The following TEX11 variants were observed in gnomAD, a reference collection of about 807,000 sequenced individuals.
TEX11 encodes the protein testis-expressed protein 11.
Under a neutral mutation model 84.4 loss-of-function variants are expected in TEX11, and 7 were observed. The ratio of observed to expected loss-of-function variants is 0.08; its 90% CI spans 0.05 to 0.16. The LOEUF is 0.16. TEX11 is among the 10% of genes least tolerant of loss of function. The pLI, the probability that TEX11 is intolerant of heterozygous loss-of-function variation, is 1.00. For missense variants in TEX11, 551 were observed against 660.5 expected (o/e 0.83, Z 1.82); for synonymous variants, 264 against 222.8 (o/e 1.18, Z -1.64).
At chrX:70,860,491 C>T (rs2091562932) in intron 5 of TEX11, among the ~76,000 whole-genome samples, 1 of 111,481 alleles carries the variant, frequency 9.0e-6, no homozygotes, top group African/African-American at 3.3e-5. Flanking sequence ...GTACCCTTTT[C>T]CTTATTTACT....
At chrX:70,867,018 G>T (rs773681561) in intron 4 of TEX11, among the ~76,000 whole-genome samples, 76 of 111,581 alleles carry the variant, frequency 6.8e-4, no homozygotes, top group South Asian at 1.1e-3. Flanking sequence ...GAAAGTTCTG[G>T]CCAGGGCAAT....
At chrX:70,770,993 G>T (rs2090968960) in intron 9 of TEX11, among the ~76,000 whole-genome samples, 1 of 111,860 alleles carries the variant, frequency 8.9e-6, no homozygotes, top group Non-Finnish European at 1.9e-5. Flanking sequence ...TTTAAATGGT[G>T]CTGGAAAAGG....
rs531943582 is a variant in TEX11 at position 70,838,331 on chromosome X, G to A, written c.526-4738C>T. 1.8e-4 allele frequency among the ~76,000 whole-genome samples: 20 copies of A among 111,698 alleles called. No homozygotes were observed. The South Asian group carries it at 6.5e-3, about 36-fold the overall frequency. ...CTAGCTACTCGGGAGGCTGAGGCAG[G>A]ATAATCGCTTGAACCCAGGAGGTGG... On this transcript the variant is annotated intron_variant, in intron 7 of 29. Transcript: ENST00000374333.
chrX:70,773,303 CTCCATAAGACTA>C (rs951315356), intron 9 of TEX11, among the ~76,000 whole-genome samples: 5 of 110,827 alleles, frequency 4.5e-5, no homozygotes, highest in East Asian at 2.8e-4. Context: ...AAAAGGCAAT[CTCCATAAGACTA>C]TCCATAAGAC....
downstream of TEX11, among the ~76,000 whole-genome samples, chrX:70,526,856 T>C (rs972660083): frequency 3.6e-5 from 4 of 111,209 alleles, no homozygotes; most frequent in African/African-American, 9.8e-5. Context: ...AGATAAGCTC[T>C]GGTGCATCTT....
At chrX:70,631,167 A>G (rs2089506223) in intron 17 of TEX11, among the ~76,000 whole-genome samples, 1 of 111,975 alleles carries the variant, frequency 8.9e-6, no homozygotes, top group Admixed American at 9.5e-5. Flanking sequence ...TTTATAACAC[A>G]TTCAACCCAA....
chrX:70,792,460 CAATG>C lies in TEX11; in HGVS notation c.692+14241_692+14244del, dbSNP rs1463462971. On this transcript the variant is annotated intron_variant, in intron 9 of 29. Transcript: ENST00000374333. ...AGAAGTTAGAAAGATCTAAAATTAA[CAATG>C]TAACATCACAACTAGAGGAATTAGA... Among the ~76,000 whole-genome samples, 70 of 93,496 alleles carry C rather than the reference CAATG, an allele frequency of 7.5e-4. 1 individual carries two copies. Among genetic ancestry groups the C allele is most frequent in the Non-Finnish European group, 1.4e-3 (64 of 47,225 alleles). 81.2% of individuals were successfully genotyped at this position (93,496 alleles called of 115,157 possible).
chrX:70,516,637 G>T, the TEX11 span, among the ~76,000 whole-genome samples: 1 of 111,359 alleles, frequency 9.0e-6, no homozygotes, highest in South Asian at 3.8e-4. Context: ...CTTTAAAGTA[G>T]TTTTTTCCAA....
At chrX:70,868,513 A>C (rs2091611158) in intron 4 of TEX11, among the ~76,000 whole-genome samples, 1 of 111,697 alleles carries the variant, frequency 9.0e-6, no homozygotes, top group Non-Finnish European at 1.9e-5. Flanking sequence ...TTGACCCAGC[A>C]ATCCCATTAC....
intron 11 of TEX11, among the ~76,000 whole-genome samples, chrX:70,737,198 G>T (rs746666357): frequency 9.0e-6 from 1 of 111,484 alleles, no homozygotes; most frequent in South Asian, 3.7e-4. Flanking sequence ...AAACTACAAA[G>T]TCTGAAATGA....
intron 13 of TEX11, among the ~76,000 whole-genome samples, chrX:70,720,949 T>C (rs1336738076): frequency 9.0e-6 from 1 of 110,546 alleles, no homozygotes; most frequent in Non-Finnish European, 1.9e-5. Context: ...AATGTATTCC[T>C]TCTACTACAG....
intron 24 of TEX11, among the ~76,000 whole-genome samples, chrX:70,603,995 T>C (rs2089166010): frequency 8.9e-6 from 1 of 112,178 alleles, no homozygotes; most frequent in African/African-American, 3.2e-5. Context: ...ATTATGTATA[T>C]AGACATCCTT....
At chrX:70,754,168 C>T (rs1368240154) in intron 9 of TEX11, among the ~76,000 whole-genome samples, 1 of 111,150 alleles carries the variant, frequency 9.0e-6, no homozygotes, top group East Asian at 2.9e-4. Context: ...AGGATTGGCT[C>T]TTGAATGGCA....
chrX:70,640,286 T>C (rs1237141435), intron 17 of TEX11, among the ~76,000 whole-genome samples: 2 of 107,094 alleles, frequency 1.9e-5, no homozygotes, highest in African/African-American at 6.7e-5. Flanking sequence ...ACCAAATCTA[T>C]GTCTGATTGG....
intron 20 of TEX11, among the ~76,000 whole-genome samples, chrX:70,615,231 G>A (rs964396675): frequency 8.0e-5 from 9 of 111,807 alleles, no homozygotes; most frequent in African/African-American, 2.9e-4. Flanking sequence ...TGGAGAAACA[G>A]AGGTATGTGA....
chrX:70,590,805 T>C (rs888873592), intron 25 of TEX11, among the ~76,000 whole-genome samples: 2 of 111,928 alleles, frequency 1.8e-5, no homozygotes, highest in Admixed American at 9.5e-5. Flanking sequence ...TGGAGTGCAA[T>C]GGCGTGATCT....
At chrX:70,741,337 C>A (rs2090732652) in intron 10 of TEX11, among the ~76,000 whole-genome samples, 1 of 111,592 alleles carries the variant, frequency 9.0e-6, no homozygotes, top group East Asian at 2.8e-4. Flanking sequence ...TAAAACAGGA[C>A]AACTGTATGA....
chrX:70,530,161 GA>G (rs2087867743), intron 28 of TEX11, among the ~76,000 whole-genome samples, 162 bp from the exon 29 acceptor site: 1 of 111,609 alleles, frequency 9.0e-6, no homozygotes, highest in African/African-American at 3.3e-5. Flanking sequence ...AGAGCACTTT[GA>G]AGGTTTGTCA....
chrX:70,559,243 T>C (rs1435698432), intron 25 of TEX11, among the ~76,000 whole-genome samples: 1 of 112,314 alleles, frequency 8.9e-6, no homozygotes, highest in Non-Finnish European at 1.9e-5. Flanking sequence ...CCATAAAAAG[T>C]AATGAAGTAC....
Sources: gnomAD v4.1 joint callset for allele counts (sites outside exome capture counted in the v4.1 genomes callset) on GRCh38, gnomAD v4.1.1 for gene constraint, MANE v1.5 for transcripts, NCBI Gene and HGNC (gene_info 2026-07-23, HGNC 2026-07-21) for gene names.